PTPRD: variants seen among roughly 807,000 people sequenced by gnomAD.
PTPRD encodes receptor-type tyrosine-protein phosphatase delta.
PTPRD carries 34 observed loss-of-function variants against 214.5 expected under a neutral mutation model. The ratio of observed to expected loss-of-function variants is 0.16; its 90% confidence interval spans 0.12 to 0.21. The LOEUF (loss-of-function observed/expected upper bound fraction) is 0.21, where lower values mean the gene tolerates loss of function less well. Ranked by LOEUF, PTPRD falls within the 10% of genes least tolerant of loss-of-function variation. The pLI is 1.00. For synonymous variants in PTPRD, 1,128 were observed against 845.7 expected, an observed-to-expected ratio of 1.33 and a Z score of -5.79; for missense variants, 2,545 against 2,398.7, an observed-to-expected ratio of 1.06 and a Z score of -1.27.
intron 10 of PTPRD, among the ~76,000 whole-genome samples, chr9:9,076,831 G>C: frequency 6.8e-6 from 1 of 146,268 alleles, no homozygotes; most frequent in Non-Finnish European, 1.5e-5. Flanking sequence ...CTGTGGGATT[G>C]CTGGAACATA....
At chr9:10,509,466 GATCCATCT>G (rs1345168072) in intron 2 of PTPRD, among the ~76,000 whole-genome samples, 3 of 45,208 alleles carry the variant, frequency 6.6e-5, no homozygotes, top group African/African-American at 1.4e-4. Context: ...CCTTTTGATT[GATCCATCT>G]ATCTATCTAT....
chr9:8,505,323 C>T (rs1291261779), intron 22 of PTPRD, among the ~76,000 whole-genome samples: 1 of 151,998 alleles, frequency 6.6e-6, no homozygotes, highest in Non-Finnish European at 1.5e-5. Flanking sequence ...ACAAACAAAT[C>T]AGTTAAGAAG....
chr9:10,031,527 A>G (rs2097066899), intron 4 of PTPRD, among the ~76,000 whole-genome samples: 1 of 150,586 alleles, frequency 6.6e-6, no homozygotes, highest in Admixed American at 6.6e-5. Flanking sequence ...CAGGTTCTTC[A>G]GTTGTGAGAC....
At chr9:10,481,611 G>A (rs1256432178) in intron 2 of PTPRD, among the ~76,000 whole-genome samples, 1 of 152,104 alleles carries the variant, frequency 6.6e-6, no homozygotes, top group African/African-American at 2.4e-5. Context: ...ATGCATAAGT[G>A]AATGAATGAT....
At chr9:8,867,214 T>A (rs2098214852) in intron 11 of PTPRD, among the ~76,000 whole-genome samples, 1 of 152,138 alleles carries the variant, frequency 6.6e-6, no homozygotes, top group Admixed American at 6.6e-5. Flanking sequence ...CTTCTCTCCT[T>A]TTGTTCTCCT....
At chr9:9,052,860 A>G (rs1287208048) in intron 10 of PTPRD, among the ~76,000 whole-genome samples, 1 of 152,210 alleles carries the variant, frequency 6.6e-6, no homozygotes, top group African/African-American at 2.4e-5. Flanking sequence ...AGAATAAAGT[A>G]GCATTGAAAG....
intron 11 of PTPRD, among the ~76,000 whole-genome samples, chr9:8,744,415 C>T (rs565977146): frequency 1.9e-4 from 29 of 152,242 alleles, no homozygotes; most frequent in Admixed American, 1.6e-3. Flanking sequence ...CATCAATCAA[C>T]GAGTGGATAA....
At chr9:10,375,750 G>A (rs2097715808) in intron 2 of PTPRD, among the ~76,000 whole-genome samples, 1 of 151,912 alleles carries the variant, frequency 6.6e-6, no homozygotes, top group South Asian at 2.1e-4. Flanking sequence ...TAGAATATCT[G>A]GAAAACCTTT....
At chr9:10,601,406 A>G (rs1454902187) in intron 2 of PTPRD, among the ~76,000 whole-genome samples, 2 of 151,766 alleles carry the variant, frequency 1.3e-5, no homozygotes, top group African/African-American at 4.8e-5. Context: ...TGATGAGACA[A>G]CCTACATTTC....
At chr9:9,709,352 C>G (rs1049915085) in intron 7 of PTPRD, among the ~76,000 whole-genome samples, 1 of 151,926 alleles carries the variant, frequency 6.6e-6, no homozygotes. Context: ...TCAATAATCT[C>G]TTAAAACTGA....
chr9:10,360,995 G>A (rs879515083), intron 2 of PTPRD, among the ~76,000 whole-genome samples: 8 of 151,984 alleles, frequency 5.3e-5, no homozygotes, highest in African/African-American at 7.2e-5. Flanking sequence ...CCAGCTACTC[G>A]GGAGGCTGAG....
chr9:9,497,139 T>C (rs2154217272), intron 8 of PTPRD, among the ~76,000 whole-genome samples: 1 of 152,274 alleles, frequency 6.6e-6, no homozygotes, highest in Non-Finnish European at 1.5e-5. Context: ...GTTTTAGTTT[T>C]ATAAGATGAG....
At position 9,179,349 on chromosome 9, in the gene PTPRD, C is replaced by G. The variant is rs781038092; in HGVS notation, c.-143+3955G>C. 2.0e-5 allele frequency among the ~76,000 whole-genome samples: 3 copies of G among 152,094 alleles called. No homozygotes were observed. The East Asian group carries it at 5.8e-4, about 29-fold the overall frequency. On this transcript the variant is annotated intron_variant, in intron 10 of 45. Coordinates refer to ENST00000381196, the MANE Select transcript of PTPRD (RefSeq NM_002839.4). ...CCACAGTATTGTTATGTTCACCCCA[C>G]ATATTTCCAAATGCAGACATTTTAA...
chr9:9,733,351 G>C (rs1384997700), intron 7 of PTPRD, among the ~76,000 whole-genome samples: 1 of 152,158 alleles, frequency 6.6e-6, no homozygotes, highest in Non-Finnish European at 1.5e-5. Flanking sequence ...GGCTTTCTTA[G>C]TGATGAGATC....
chr9:9,119,536 ATT>A (rs202149992), intron 10 of PTPRD, among the ~76,000 whole-genome samples: 1 of 145,942 alleles, frequency 6.9e-6, no homozygotes, highest in Non-Finnish European at 1.5e-5. Flanking sequence ...AGATTCTGTG[ATT>A]TTTTTTTTTT....
chr9:9,257,876 C>A (rs531708926), intron 9 of PTPRD, among the ~76,000 whole-genome samples: 1 of 152,018 alleles, frequency 6.6e-6, no homozygotes, highest in Non-Finnish European at 1.5e-5. Context: ...AAAAAATTTT[C>A]CGAACTAACC....
chr9:10,608,267 T>A (rs2080019483), intron 2 of PTPRD, among the ~76,000 whole-genome samples: 5 of 152,006 alleles, frequency 3.3e-5, no homozygotes, highest in Admixed American at 3.3e-4. Flanking sequence ...CTCATATCCT[T>A]CTGATATTGG....
chr9:9,306,241 C>T (rs1569567221), intron 9 of PTPRD, among the ~76,000 whole-genome samples: 1 of 151,848 alleles, frequency 6.6e-6, no homozygotes, highest in Non-Finnish European at 1.5e-5. Flanking sequence ...GAAGATTTAA[C>T]CACATGTACA....
chr9:8,655,659 T>A (rs1019451342), intron 12 of PTPRD, among the ~76,000 whole-genome samples: 1 of 152,054 alleles, frequency 6.6e-6, no homozygotes, highest in Non-Finnish European at 1.5e-5. Flanking sequence ...CCCCTGGAAA[T>A]GCCACATATA....
Sources: allele counts gnomAD v4.1 joint callset (sites outside exome capture counted in the v4.1 genomes callset), GRCh38; gene constraint gnomAD v4.1.1; transcripts MANE v1.5; gene names NCBI Gene and HGNC (gene_info 2026-07-23, HGNC 2026-07-21).